SDHA: variants seen among roughly 807,000 people sequenced by gnomAD.
SDHA encodes succinate dehydrogenase [ubiquinone] flavoprotein subunit, mitochondrial.
SDHA carries 48 observed loss-of-function variants against 78.4 expected under a neutral mutation model. The observed-to-expected ratio is 0.61, with a 90% CI of 0.49 to 0.78. The LOEUF is 0.78. Among genes scored for constraint, SDHA ranks in the 30% least tolerant of loss-of-function variants. The probability of loss-of-function intolerance (pLI) is 0.00; values close to 1 mark genes in which losing one functional copy is unlikely to be tolerated. For synonymous variants in SDHA, 326 were observed against 353.9 expected (o/e 0.92, Z 0.88); for missense variants, 680 against 892.7 (o/e 0.76, Z 3.04).
chr5:240,067 C>T (rs1736045772), intron 10 of SDHA, among the ~76,000 whole-genome samples: 1 of 152,196 alleles, frequency 6.6e-6, no homozygotes, highest in Admixed American at 6.5e-5. Context: ...CCGCACCCGG[C>T]CTACATTTAA....
chr5:236,349 A>G, intron 9 of SDHA, 79 bp from the exon 10 acceptor site: 1 of 1,448,098 alleles, frequency 6.9e-7, no homozygotes, highest in Non-Finnish European at 9.7e-7. Context: ...GACCTGCAGC[A>G]CAGACACCCT....
intron 8 of SDHA, chr5:234,888 T>C (rs1285863428): frequency 1.8e-6 from 1 of 542,142 alleles, no homozygotes; most frequent in Non-Finnish European, 3.4e-6. Context: ...CAGCAGGCTG[T>C]GATCCCTGAG....
intron 1 of SDHA, among the ~76,000 whole-genome samples, chr5:222,353 T>TC (rs1734766728): frequency 6.7e-6 from 1 of 150,014 alleles, no homozygotes; most frequent in African/African-American, 2.5e-5. Flanking sequence ...TTCTTTTCTT[T>TC]TTTTTTTTTT....
At position 256,486 on chromosome 5, in the gene SDHA, C is replaced by G; in HGVS notation, c.*66C>G. On this transcript the variant is annotated 3_prime_UTR_variant, in exon 15 of 15. Transcript: ENST00000264932. ...TATGTATAATAGCTCATGCATGTGT[C>G]CATGTCATAACTGTCTTCATACGCT... 1 of 1,329,092 alleles carries G rather than the reference C, an allele frequency of 7.5e-7. No individual in the cohort carries two copies. Among genetic ancestry groups the G allele is most frequent in the Non-Finnish European group, 1.1e-6 (1 of 921,702 alleles). The allele number at this position is 1,329,092 out of a possible 1,614,324, so 82.3% of individuals were successfully genotyped here.
intron 5 of SDHA, among the ~76,000 whole-genome samples, chr5:226,335 A>G (rs1464485897): frequency 6.6e-6 from 1 of 152,208 alleles, no homozygotes; most frequent in African/African-American, 2.4e-5. Context: ...TCAACATACA[A>G]GAGCAGAGCA....
chr5:266,878 T>C, the SDHA span, among the ~76,000 whole-genome samples: 842 of 94,238 alleles, frequency 8.9e-3, 27 homozygotes, highest in African/African-American at 0.032. Flanking sequence ...GTGGCCGCTG[T>C]GTCTAAAATA....
intron 11 of SDHA, chr5:249,025 C>A (rs867685174): frequency 7.5e-5 from 30 of 397,998 alleles, no homozygotes; most frequent in Non-Finnish European, 1.3e-4. Flanking sequence ...AGAAGGACAC[C>A]GTACAAACTT....
At chr5:264,052 C>G in the SDHA span, among the ~76,000 whole-genome samples, 8 of 152,236 alleles carry the variant, frequency 5.3e-5, no homozygotes, top group African/African-American at 1.7e-4. Flanking sequence ...TGAGGAAGAC[C>G]TATTGATAAG....
intron 11 of SDHA, 147 bp downstream of exon 11, chr5:240,623 T>C (rs1287126341): frequency 5.8e-6 from 4 of 690,226 alleles, no homozygotes. Context: ...GGGCTTTTCA[T>C]GTACCCGTCA....
In SDHA at chr5:218,323, G is replaced by T; in HGVS notation, c.-33G>T. 1 of 1,442,784 alleles carries T rather than the reference G, an allele frequency of 6.9e-7. No homozygotes were observed. The highest frequency in any genetic ancestry group is 9.0e-7 in the Non-Finnish European group (1 of 1,106,374). The allele number at this position is 1,442,784 out of a possible 1,614,324, so 89.4% of individuals were successfully genotyped here. A position where few individuals can be genotyped will look rare whatever the true frequency, so the allele number is the denominator to read the frequency against. The stretch of plus-strand genomic sequence containing the variant: ...GGTGCGCAGGCGCAGTCTGCGCAGG[G>T]ACTGGCGGGACTGCGCGGCGGCAAC... On this transcript the variant is annotated 5_prime_UTR_variant, in exon 1 of 15. Coordinates refer to ENST00000264932, the MANE Select transcript of SDHA (RefSeq NM_004168.4).
At chr5:252,743 T>G (rs1217095348) in intron 13 of SDHA, among the ~76,000 whole-genome samples, 3 of 137,988 alleles carry the variant, frequency 2.2e-5, no homozygotes, top group Non-Finnish European at 4.7e-5. Flanking sequence ...AAATAACGAG[T>G]AAGTCACCGT....
chr5:256,095 A>G (rs1359768175), intron 14 of SDHA, among the ~76,000 whole-genome samples: 3 of 152,236 alleles, frequency 2.0e-5, no homozygotes, highest in Non-Finnish European at 4.4e-5. Context: ...TGTTCAACCT[A>G]TATAAATATT....
chr5:238,687 A>G (rs56297015), intron 10 of SDHA, among the ~76,000 whole-genome samples: 36,623 of 152,174 alleles, frequency 0.24, 6,855 homozygotes, highest in African/African-American at 0.52. Flanking sequence ...GGCTGGGTGC[A>G]GTGGCTCACG....
chr5:256,610 C>T lies in SDHA; in HGVS notation c.*190C>T. 1 of 619,298 alleles carries T rather than the reference C, an allele frequency of 1.6e-6. No individual in the cohort carries two copies. The highest frequency in any genetic ancestry group is 2.9e-6 in the Non-Finnish European group (1 of 341,606). The allele number at this position is 619,298 out of a possible 1,614,324, so 38.4% of individuals were successfully genotyped here. A position where few individuals can be genotyped will look rare whatever the true frequency, so the allele number is the denominator to read the frequency against. ...AGTGGCCAGGGAGCGTGGCACTTAC[C>T]TTTGTCCCTTGCTTCATTCTTGTGA... On this transcript the variant is annotated 3_prime_UTR_variant, in exon 15 of 15. Coordinates refer to ENST00000264932, the MANE Select transcript of SDHA (RefSeq NM_004168.4).
the SDHA span, among the ~76,000 whole-genome samples, chr5:263,458 T>A: frequency 1.2e-4 from 19 of 152,134 alleles, no homozygotes; most frequent in African/African-American, 3.4e-4. Context: ...AGCCAAATTT[T>A]AAAAGTGCAT....
In SDHA at chr5:230,896, T is replaced by A; in HGVS notation, c.791T>A (p.Phe264Tyr). The stretch of plus-strand genomic sequence containing the variant: ...TCCAGAGGCTACGGGCGCACCTACT[T>A]CAGCTGCACGTCTGCCCACACCAGC... ...VATGGYGRTY[F>Y]SCTSAHTSTG... The change falls in exon 7 of 15, where the codon TTC becomes TAC. Residue 264 changes from phenylalanine (F) to tyrosine (Y), a missense_variant. Physicochemically the swap from Phe to Tyr is conservative, Grantham distance 22 (BLOSUM62 3). Coordinates refer to ENST00000264932, the MANE Select transcript of SDHA (RefSeq NM_004168.4). 1 of 1,614,042 alleles carries A rather than the reference T, an allele frequency of 6.2e-7. No homozygotes were observed. The highest frequency in any genetic ancestry group is 8.5e-7 in the Non-Finnish European group (1 of 1,179,974).
At chr5:262,063 T>C (rs1258943995), downstream of SDHA, among the ~76,000 whole-genome samples, 1 of 10,426 alleles carries the variant, frequency 9.6e-5, no homozygotes, top group African/African-American at 6.3e-4. Flanking sequence ...CCGCCTCCCG[T>C]CACAGCATTA....
At chr5:248,898 A>G (rs1488760041) in intron 11 of SDHA, among the ~76,000 whole-genome samples, 2 of 152,148 alleles carry the variant, frequency 1.3e-5, no homozygotes, top group African/African-American at 4.8e-5. Flanking sequence ...ATGGCGGTGT[A>G]GTGGCACCTC....
chr5:243,122 G>C (rs181843763), intron 11 of SDHA, among the ~76,000 whole-genome samples: 6 of 152,282 alleles, frequency 3.9e-5, no homozygotes, highest in Admixed American at 3.9e-4. Flanking sequence ...CAGCAAGCTA[G>C]ATGAGAGGGT....
Sources: gnomAD v4.1 joint callset for allele counts (sites outside exome capture counted in the v4.1 genomes callset) on GRCh38, gnomAD v4.1.1 for gene constraint, MANE v1.5 for transcripts, NCBI Gene and HGNC (gene_info 2026-07-23, HGNC 2026-07-21) for gene names.